ARHGAP44: variants seen among roughly 807,000 people sequenced by gnomAD.
The protein encoded by ARHGAP44 is rho GTPase-activating protein 44.
ARHGAP44 carries 43 observed loss-of-function variants against 106.8 expected under a neutral mutation model. The ratio of observed to expected loss-of-function variants is 0.40; its 90% CI spans 0.32 to 0.52. The LOEUF is 0.52. Among genes scored for constraint, ARHGAP44 ranks in the 20% least tolerant of loss-of-function variants. ARHGAP44 has a pLI of 0.48. For missense variants in ARHGAP44, 866 were observed against 1,050.5 expected, an observed-to-expected ratio of 0.82 and a Z score of 2.43; for synonymous variants, 439 against 410.3, an observed-to-expected ratio of 1.07 and a Z score of -0.85.
intron 1 of ARHGAP44, among the ~76,000 whole-genome samples, chr17:12,808,310 C>A (rs947062584): frequency 7.9e-5 from 12 of 152,252 alleles, no homozygotes; most frequent in African/African-American, 2.9e-4. Context: ...TAGACAGTGC[C>A]CCAGTGGGCA....
At chr17:12,818,053 G>C (rs1192629004) in intron 1 of ARHGAP44, among the ~76,000 whole-genome samples, 2 of 151,836 alleles carry the variant, frequency 1.3e-5, no homozygotes, top group Non-Finnish European at 1.5e-5. Flanking sequence ...CAGAAAAAGA[G>C]AATTATAGAC....
Position 12,980,240 on chromosome 17 carries a change from C to A in ARHGAP44, c.1939+7C>A. 3 of 1,599,118 alleles carry A rather than the reference C, an allele frequency of 1.9e-6. No individual in the cohort carries two copies. Among genetic ancestry groups the A allele is most frequent in the Non-Finnish European group, 2.6e-6 (3 of 1,171,936 alleles). ...CCTCACACCCTCCGGAAAGGTATGG[C>A]CCTGCTTCCCTTCTCCTTGGTCTCA... On this transcript the variant is annotated splice_region_variant and intron_variant, in intron 19 of 20. Transcript: ENST00000379672.
intron 1 of ARHGAP44, among the ~76,000 whole-genome samples, chr17:12,795,161 C>T (rs1036240782): frequency 1.3e-5 from 2 of 152,214 alleles, no homozygotes; most frequent in South Asian, 2.1e-4. Context: ...CCCCAAAGAG[C>T]GCTGTGCACA....
chr17:12,794,446 T>C (rs114887015), intron 1 of ARHGAP44, among the ~76,000 whole-genome samples: 1 of 152,164 alleles, frequency 6.6e-6, no homozygotes, highest in Non-Finnish European at 1.5e-5. Flanking sequence ...CCAAAAATAA[T>C]GTTGGCCTCC....
chr17:12,938,040 G>A (rs1287635007), intron 7 of ARHGAP44, among the ~76,000 whole-genome samples: 2 of 151,962 alleles, frequency 1.3e-5, no homozygotes, highest in Middle Eastern at 3.2e-3. Flanking sequence ...GGAGGTTGCA[G>A]TGAGCCAAGA....
chr17:12,921,205 T>G lies in ARHGAP44; in HGVS notation c.464+1374T>G, dbSNP rs2038074102. 2.6e-5 allele frequency among the ~76,000 whole-genome samples: 4 copies of G among 152,184 alleles called. No homozygotes were observed. The South Asian group carries it at 8.3e-4, about 32-fold the overall frequency. ...CCTCAGCCTCCTGAGTGGCTGGGAT[T>G]ACAGGCACCTGCCACCACGCTCAGC... On this transcript the variant is annotated intron_variant, in intron 6 of 20. Coordinates refer to ENST00000379672, the MANE Select transcript of ARHGAP44 (RefSeq NM_014859.6).
At chr17:12,896,115 A>AG (rs1229128881) in intron 2 of ARHGAP44, among the ~76,000 whole-genome samples, 1 of 48,122 alleles carries the variant, frequency 2.1e-5, no homozygotes, top group African/African-American at 8.9e-5. Context: ...GGATAGGGGG[A>AG]GGGGGGAGGG....
In ARHGAP44 at chr17:12,958,250, C is replaced by T. The variant is rs567219440; in HGVS notation, c.1343-467C>T. Among the ~76,000 whole-genome samples, 34 of 152,262 alleles carry T rather than the reference C, an allele frequency of 2.2e-4. No individual in the cohort carries two copies. The highest frequency in any genetic ancestry group is 3.8e-4 in the Non-Finnish European group (26 of 68,016). Reference sequence around the variant, plus strand: ...TCTTGAATTTATTCTCTATGGTTTTCCAGAAAGGCAGTGTCATCATCTATA... The same window carrying T: ...TCTTGAATTTATTCTCTATGGTTTTTCAGAAAGGCAGTGTCATCATCTATA... On this transcript the variant is annotated intron_variant, in intron 15 of 20. Coordinates refer to ENST00000379672, the MANE Select transcript of ARHGAP44 (RefSeq NM_014859.6). This position sits in a 1 kb window ranked among gnomAD's most constrained non-coding sequence, Gnocchi z 4.1.
At chr17:12,973,470 A>G in intron 17 of ARHGAP44, 151 bp downstream of exon 17, 1 of 782,282 alleles carries the variant, frequency 1.3e-6, no homozygotes, top group Non-Finnish European at 2.1e-6. Flanking sequence ...TTAAAATAGA[A>G]TCAGAGCCCA....
At chr17:12,807,431 G>A (rs532276344) in intron 1 of ARHGAP44, among the ~76,000 whole-genome samples, 1 of 152,278 alleles carries the variant, frequency 6.6e-6, no homozygotes, top group East Asian at 1.9e-4. Flanking sequence ...ATTTATAAAG[G>A]AAAGAGATTT....
intron 6 of ARHGAP44, among the ~76,000 whole-genome samples, chr17:12,926,813 T>C (rs2150963831): frequency 6.6e-6 from 1 of 152,174 alleles, no homozygotes; most frequent in South Asian, 2.1e-4. Context: ...TTTTAAACAC[T>C]TTCATATTGG....
At chr17:12,896,618 C>A in intron 3 of ARHGAP44, 107 bp downstream of exon 3, 1 of 957,486 alleles carries the variant, frequency 1.0e-6, no homozygotes, top group Non-Finnish European at 1.6e-6. Context: ...TGCTTACGTG[C>A]CTGAGAATTG....
At chr17:12,973,644 ACGCTCCCCCCTT>A in intron 17 of ARHGAP44, 1 of 489,776 alleles carries the variant, frequency 2.0e-6, no homozygotes, top group African/African-American at 2.0e-5. Context: ...TGTCAGTTCC[ACGCTCCCCCCTT>A]CGCTGCCCCT....
At chr17:12,790,202 C>T in intron 1 of ARHGAP44, 2 of 372,646 alleles carry the variant, frequency 5.4e-6, no homozygotes, top group South Asian at 4.1e-5. Context: ...ACTCCCTTCT[C>T]CCTCTGGCCG....
At chr17:12,956,877 ACACAC>A in intron 15 of ARHGAP44, 131 bp downstream of exon 15, 1 of 662,906 alleles carries the variant, frequency 1.5e-6, no homozygotes. Flanking sequence ...ACACACACAC[ACACAC>A]ACACACGCAT....
chr17:12,919,829 C>T lies in ARHGAP44; in HGVS notation c.462C>T (p.Thr154=). The change falls in exon 6 of 21, where the codon ACC becomes ACT. Residue 154 remains threonine (T), a splice_region_variant and synonymous_variant. Transcript: ENST00000379672. ...KLVLDMDSSR[T]RWQQTSKSSG... is the part of the protein sequence containing the mutation. ...TGCTGGACATGGATTCCTCACGAACCAGGTAGAATCTCTTTACTTTCTTTT... is the reference window on the plus strand; with the variant it reads ...TGCTGGACATGGATTCCTCACGAACTAGGTAGAATCTCTTTACTTTCTTTT... 5 of 1,611,078 alleles carry T rather than the reference C, an allele frequency of 3.1e-6. No individual in the cohort carries two copies. Among genetic ancestry groups the T allele is most frequent in the Non-Finnish European group, 4.2e-6 (5 of 1,178,734 alleles).
intron 1 of ARHGAP44, among the ~76,000 whole-genome samples, chr17:12,816,052 G>T (rs866154114): frequency 6.6e-6 from 1 of 152,062 alleles, no homozygotes; most frequent in Admixed American, 6.6e-5. Flanking sequence ...GTTACTGAAC[G>T]CAGTTGAAAG....
intron 16 of ARHGAP44, among the ~76,000 whole-genome samples, chr17:12,962,364 A>G (rs549560800): frequency 6.6e-6 from 1 of 152,252 alleles, no homozygotes; most frequent in South Asian, 2.1e-4. Flanking sequence ...GAGCTTACAT[A>G]TACATTTTTC....
chr17:12,979,217 T>C (rs1396913616), intron 18 of ARHGAP44, among the ~76,000 whole-genome samples: 1 of 152,182 alleles, frequency 6.6e-6, no homozygotes, highest in African/African-American at 2.4e-5. Flanking sequence ...ATTAGTAATA[T>C]CTACCATCAG....
Sources: allele counts gnomAD v4.1 joint callset (sites outside exome capture counted in the v4.1 genomes callset), GRCh38; gene constraint gnomAD v4.1.1; non-coding constraint Gnocchi (gnomAD v3.1); transcripts MANE v1.5; gene names NCBI Gene and HGNC (gene_info 2026-07-23, HGNC 2026-07-21).